The following ADAMTS3 variants were observed in gnomAD, a reference collection of about 807,000 sequenced individuals.
ADAMTS3 encodes the protein A disintegrin and metalloproteinase with thrombospondin motifs 3.
In ADAMTS3, 73 loss-of-function variants were observed where a neutral mutation model predicts 129.0. The ratio of observed to expected loss-of-function variants is 0.57; its 90% CI spans 0.47 to 0.69. The LOEUF is 0.69. Ranked by LOEUF, ADAMTS3 falls within the 30% of genes least tolerant of loss-of-function variation. The pLI is 0.00. For missense variants in ADAMTS3, 1,457 were observed against 1,514.5 expected, an observed-to-expected ratio of 0.96 and a Z score of 0.63; for synonymous variants, 477 against 510.8, an observed-to-expected ratio of 0.93 and a Z score of 0.89.
At chr4:72,401,784 TAAGTC>T (rs1235665131) in intron 4 of ADAMTS3, among the ~76,000 whole-genome samples, 1 of 152,070 alleles carries the variant, frequency 6.6e-6, no homozygotes, top group African/African-American at 2.4e-5. Context: ...CTAATTGCTT[TAAGTC>T]AATATTAGAT....
chr4:72,355,694 C>G (rs1431707095), intron 4 of ADAMTS3, among the ~76,000 whole-genome samples: 1 of 152,000 alleles, frequency 6.6e-6, no homozygotes. Context: ...GTGGCCTTCA[C>G]CAGATAGCGG....
chr4:72,515,377 T>C (rs952462583), intron 3 of ADAMTS3, among the ~76,000 whole-genome samples: 40 of 151,912 alleles, frequency 2.6e-4, no homozygotes, highest in African/African-American at 8.7e-4. Flanking sequence ...GGTCAAATGG[T>C]ATTTCTAGTT....
chr4:72,345,192 T>C (rs559348245), intron 4 of ADAMTS3, among the ~76,000 whole-genome samples: 1 of 152,152 alleles, frequency 6.6e-6, no homozygotes, highest in Non-Finnish European at 1.5e-5. Context: ...TGAGGCTATA[T>C]GTAAAAATCT....
chr4:72,507,181 T>C (rs961079519), intron 3 of ADAMTS3, among the ~76,000 whole-genome samples: 1 of 152,184 alleles, frequency 6.6e-6, no homozygotes, highest in African/African-American at 2.4e-5. Context: ...TTTTACTTTT[T>C]AAAAAAGAAC....
chr4:72,446,441 A>G (rs912560605), intron 3 of ADAMTS3, among the ~76,000 whole-genome samples: 1 of 151,644 alleles, frequency 6.6e-6, no homozygotes, highest in African/African-American at 2.4e-5. Flanking sequence ...TCAAATCAGA[A>G]CAATGAGGTG....
intron 2 of ADAMTS3, among the ~76,000 whole-genome samples, chr4:72,564,619 A>AT (rs995473412): frequency 1.3e-5 from 2 of 152,052 alleles, no homozygotes; most frequent in South Asian, 2.1e-4. Flanking sequence ...CTATTTACCC[A>AT]TTTTTTCTAG....
At chr4:72,327,013 C>A (rs1719717133) in intron 5 of ADAMTS3, among the ~76,000 whole-genome samples, 1 of 152,040 alleles carries the variant, frequency 6.6e-6, no homozygotes, top group South Asian at 2.1e-4. Flanking sequence ...ATGAAACAAT[C>A]TCCTTGAAAT....
chr4:72,476,576 C>T (rs1423416320), intron 3 of ADAMTS3, among the ~76,000 whole-genome samples: 1 of 151,884 alleles, frequency 6.6e-6, no homozygotes, highest in Non-Finnish European at 1.5e-5. Flanking sequence ...ACAATTTCTT[C>T]CAGAAAACAG....
Position 72,282,780 on chromosome 4 carries a change from T to A in ADAMTS3, c.*356A>T, listed in dbSNP as rs1718385206. On this transcript the variant is annotated 3_prime_UTR_variant, in exon 22 of 22. Transcript: ENST00000286657. ...TGTTAAAGTGTAAACCATTGGTATCTCTTTTTAATTTTTACTGTAACTTTT... is the reference window on the plus strand; with the variant it reads ...TGTTAAAGTGTAAACCATTGGTATCACTTTTTAATTTTTACTGTAACTTTT... The A allele has an allele frequency of 6.1e-6, 1 of 163,912 alleles. No homozygotes were observed. Among genetic ancestry groups the A allele is most frequent in the Non-Finnish European group, 1.3e-5 (1 of 75,830 alleles). 10.2% of individuals were successfully genotyped at this position (163,912 alleles called of 1,614,324 possible). A position where few individuals can be genotyped will look rare whatever the true frequency, so the allele number is the denominator to read the frequency against.
At chr4:72,549,645 A>C (rs2109789318) in intron 2 of ADAMTS3, among the ~76,000 whole-genome samples, 1 of 152,148 alleles carries the variant, frequency 6.6e-6, no homozygotes, top group Non-Finnish European at 1.5e-5. Context: ...ATATGCAGGT[A>C]CTGGTTAGTC....
intron 3 of ADAMTS3, among the ~76,000 whole-genome samples, chr4:72,452,360 C>G (rs1018604172): frequency 2.0e-5 from 3 of 151,168 alleles, no homozygotes; most frequent in Non-Finnish European, 4.4e-5. Flanking sequence ...AGTCAAAGAA[C>G]ATATTTAGGG....
At chr4:72,456,585 T>C (rs1361116500) in intron 3 of ADAMTS3, among the ~76,000 whole-genome samples, 1 of 150,892 alleles carries the variant, frequency 6.6e-6, no homozygotes, top group Non-Finnish European at 1.5e-5. Flanking sequence ...AAAGGATAAA[T>C]ATATTTTAAA....
intron 3 of ADAMTS3, among the ~76,000 whole-genome samples, chr4:72,529,220 A>G (rs73825567): frequency 6.6e-6 from 1 of 152,170 alleles, no homozygotes; most frequent in African/African-American, 2.4e-5. Context: ...CGAATACAGT[A>G]AACGAAGTAA....
rs111969633 is a variant in ADAMTS3 at position 72,342,991 on chromosome 4, C to A, written c.662-3298G>T. On this transcript the variant is annotated intron_variant, in intron 4 of 21. Transcript: ENST00000286657. ...GGCAAAAGAAGAAAAAGGAGAACAG[C>A]TCTCTCTCCTGTGAGAGAGAAGGGC... 1.6e-3 allele frequency among the ~76,000 whole-genome samples: 240 copies of A among 152,328 alleles called. 3 individuals carry two copies. Among genetic ancestry groups the A allele is most frequent in the African/African-American group, 5.6e-3 (232 of 41,578 alleles).
At chr4:72,336,896 T>A (rs182877703) in intron 5 of ADAMTS3, among the ~76,000 whole-genome samples, 1 of 142,134 alleles carries the variant, frequency 7.0e-6, no homozygotes, top group Admixed American at 7.0e-5. Flanking sequence ...TCTACAGACA[T>A]TGCCATATGT....
At chr4:72,293,504 C>T (rs1718729258) in intron 19 of ADAMTS3, among the ~76,000 whole-genome samples, 1 of 152,102 alleles carries the variant, frequency 6.6e-6, no homozygotes, top group African/African-American at 2.4e-5. Context: ...ATACACATTT[C>T]CAGAACAGCC....
At chr4:72,346,587 T>C (rs1283179362) in intron 4 of ADAMTS3, among the ~76,000 whole-genome samples, 1 of 152,100 alleles carries the variant, frequency 6.6e-6, no homozygotes. Flanking sequence ...TGCTGAAACA[T>C]TTGGGTGTGG....
chr4:72,514,482 G>A (rs1417105793), intron 3 of ADAMTS3, among the ~76,000 whole-genome samples: 1 of 152,132 alleles, frequency 6.6e-6, no homozygotes, highest in Non-Finnish European at 1.5e-5. Flanking sequence ...GCTAAGAATA[G>A]CTGGCTCTTC....
intron 21 of ADAMTS3, among the ~76,000 whole-genome samples, chr4:72,285,799 A>G (rs1718490709): frequency 6.6e-6 from 1 of 151,852 alleles, no homozygotes; most frequent in Non-Finnish European, 1.5e-5. Flanking sequence ...GGTACAATCA[A>G]TCAAAATATG....
Sources: allele counts gnomAD v4.1 joint callset (sites outside exome capture counted in the v4.1 genomes callset), GRCh38; gene constraint gnomAD v4.1.1; transcripts MANE v1.5; gene names NCBI Gene and HGNC (gene_info 2026-07-23, HGNC 2026-07-21).